The following TBC1D10B variants were observed in gnomAD, a reference collection of about 807,000 sequenced individuals.
The protein encoded by TBC1D10B is Rab27A-GAPbeta.
A neutral mutation model predicts 78.4 loss-of-function variants in TBC1D10B; 25 were observed. That is an observed-to-expected ratio of 0.32 (90% CI 0.23 to 0.45). The LOEUF is 0.45. Ranked by LOEUF, TBC1D10B falls within the 20% of genes least tolerant of loss-of-function variation. TBC1D10B has a pLI of 1.00. For missense variants in TBC1D10B, 996 were observed against 1,104.8 expected, an observed-to-expected ratio of 0.90 and a Z score of 1.40; for synonymous variants, 517 against 478.0, an observed-to-expected ratio of 1.08 and a Z score of -1.06.
intron 4 of TBC1D10B, among the ~76,000 whole-genome samples, chr16:30,362,736 A>C (rs542547502): frequency 6.6e-6 from 1 of 152,264 alleles, no homozygotes; most frequent in African/African-American, 2.4e-5. Flanking sequence ...TCCAATAAGC[A>C]TTTTAAACTT....
In TBC1D10B at chr16:30,357,663, C is replaced by A; in HGVS notation, c.*281G>T. On this transcript the variant is annotated 3_prime_UTR_variant, in exon 9 of 9. Transcript: ENST00000409939. The stretch of plus-strand genomic sequence containing the variant: ...AGTCACCCCTGGGATGACAACGGGC[C>A]ATTCAGGACAGCACCTAGGAGGGGA... The A allele has an allele frequency of 1.9e-6, 1 of 524,808 alleles. No homozygotes were observed. Among genetic ancestry groups the A allele is most frequent in the Non-Finnish European group, 3.4e-6 (1 of 294,120 alleles). 32.5% of individuals were successfully genotyped at this position (524,808 alleles called of 1,614,324 possible).
At chr16:30,361,299 CAAAA>C (rs990968404) in intron 4 of TBC1D10B, among the ~76,000 whole-genome samples, 1 of 151,664 alleles carries the variant, frequency 6.6e-6, no homozygotes, top group East Asian at 1.9e-4. Context: ...TCAAAACAAA[CAAAA>C]AAAAGTCTCT....
chr16:30,358,609 G>C (rs1028873000), intron 8 of TBC1D10B, 36 bp from the exon 9 acceptor site: 2 of 1,589,378 alleles, frequency 1.3e-6, no homozygotes, highest in Non-Finnish European at 1.7e-6. Context: ...GAATGGAGCT[G>C]AGGGTGGGAG....
rs1481821990 is a variant in TBC1D10B, at chr16:30,358,496, C to T, written c.1875G>A (p.Arg625=). Residue 625 remains arginine, a synonymous_variant, in exon 9 of 9, where the codon CGG becomes CGA. Transcript: ENST00000409939. ...GTGAGGGCCGATACTGCAGCTCCCC[C>T]CGCGTTTCCCGCCACTTCTTGAGCT... ...AAQLKKWRET[R]GELQYRPSRR... is the part of the protein sequence containing the mutation. 6.2e-7 allele frequency: 1 copy of T among 1,604,534 alleles called. No homozygotes were observed. Among genetic ancestry groups the T allele is most frequent in the African/African-American group, 1.3e-5 (1 of 74,724 alleles).
chr16:30,363,416 TG>T, intron 4 of TBC1D10B, among the ~76,000 whole-genome samples: 1 of 152,140 alleles, frequency 6.6e-6, no homozygotes, highest in Admixed American at 6.6e-5. Context: ...TCAAGTCATT[TG>T]TAACCCCATC....
At chr16:30,364,004 C>G (rs1567413380) in intron 4 of TBC1D10B, among the ~76,000 whole-genome samples, 2 of 151,586 alleles carry the variant, frequency 1.3e-5, no homozygotes, top group African/African-American at 4.8e-5. Context: ...GTAATGCCAG[C>G]TACTTGGGAG....
Position 30,359,168 on chromosome 16 carries a change from G to C in TBC1D10B, c.1642+4C>G. Reference sequence around the variant, plus strand: ...CCTCATGGCCTGGAGGGCCACAGAAGTACCTTCACAGAAAAACATGTCCCA... The same window carrying C: ...CCTCATGGCCTGGAGGGCCACAGAACTACCTTCACAGAAAAACATGTCCCA... On this transcript the variant is annotated splice_donor_region_variant and intron_variant, in intron 7 of 8. Transcript: ENST00000409939. The C allele has an allele frequency of 6.2e-7, 1 of 1,607,838 alleles. No homozygotes were observed. The highest frequency in any genetic ancestry group is 2.2e-5 in the East Asian group (1 of 44,556).
chr16:30,361,771 G>C (rs2049600054), intron 4 of TBC1D10B, among the ~76,000 whole-genome samples: 1 of 151,810 alleles, frequency 6.6e-6, no homozygotes, highest in Non-Finnish European at 1.5e-5. Context: ...GAGTGCAATG[G>C]CGTGATCTCG....
rs761947946 is a variant in TBC1D10B at position 30,365,083 on chromosome 16, C to T, written c.1164+22G>A. 1 of 1,613,442 alleles carries T rather than the reference C, an allele frequency of 6.2e-7. No homozygotes were observed. The highest frequency in any genetic ancestry group is 1.3e-5 in the African/African-American group (1 of 74,918). On this transcript the variant is annotated intron_variant, in intron 3 of 8. Coordinates refer to ENST00000409939, the MANE Select transcript of TBC1D10B (RefSeq NM_015527.4). This position sits in a 1 kb window ranked among gnomAD's most constrained non-coding sequence, Gnocchi z 5.0. ...TTGCACAGACAGGGCCACATGTCCC[C>T]ACACCTTGGAGCTGCACGCACCTCA...
intron 4 of TBC1D10B, among the ~76,000 whole-genome samples, chr16:30,362,182 A>G (rs1201665730): frequency 1.3e-5 from 2 of 150,792 alleles, no homozygotes; most frequent in Non-Finnish European, 3.0e-5. Context: ...ACGGGGTTTC[A>G]CCATGTTGGC....
intron 6 of TBC1D10B, 46 bp downstream of exon 6, chr16:30,359,492 G>C: frequency 6.4e-7 from 1 of 1,552,362 alleles, no homozygotes; most frequent in African/African-American, 1.4e-5. Flanking sequence ...CTGCAGCCTG[G>C]AGGAAACGCC....
intron 4 of TBC1D10B, among the ~76,000 whole-genome samples, chr16:30,361,696 C>G (rs1321223222): frequency 1.3e-5 from 2 of 151,742 alleles, no homozygotes; most frequent in African/African-American, 4.8e-5. Flanking sequence ...TGAGCCACCG[C>G]GCCCAGCCAC....
intron 5 of TBC1D10B, 24 bp from the exon 6 acceptor site, chr16:30,359,627 G>A (rs1478795291): frequency 6.4e-7 from 1 of 1,557,384 alleles, no homozygotes; most frequent in Non-Finnish European, 8.7e-7. Flanking sequence ...GAACAAGGAG[G>A]AGGGGTGGGG....
chr16:30,362,849 C>T (rs1000808286), intron 4 of TBC1D10B, among the ~76,000 whole-genome samples: 1 of 152,068 alleles, frequency 6.6e-6, no homozygotes, highest in African/African-American at 2.4e-5. Context: ...CCAGCCTGGC[C>T]AACATGGCAA....
rs551492204 is a variant in TBC1D10B, at chr16:30,358,132, G to C, written c.2239C>G (p.Gln747Glu). The C allele has an allele frequency of 6.4e-7, 1 of 1,551,368 alleles. No homozygotes were observed. The highest frequency in any genetic ancestry group is 8.7e-7 in the Non-Finnish European group (1 of 1,146,664). Reference protein sequence around the residue: ...KQEKEREKERQKQEKEREKQE... With the variant: ...KQEKEREKEREKQEKEREKQE... Reference sequence around the variant, plus strand: ...TTCTCTCGCTCTTTCTCCTGCTTCTGCCGCTCCTTCTCCCGCTCCTTCTCC... The same window carrying C: ...TTCTCTCGCTCTTTCTCCTGCTTCTCCCGCTCCTTCTCCCGCTCCTTCTCC... Residue 747 changes from glutamine (Q) to glutamate (E), a missense_variant, in exon 9 of 9, where the codon CAG (glutamine) becomes GAG (glutamate). Transcript: ENST00000409939.
intron 7 of TBC1D10B, 66 bp downstream of exon 7, chr16:30,359,106 G>GACAGAACCC: frequency 6.6e-7 from 1 of 1,512,816 alleles, no homozygotes. Context: ...CCAGAAATAT[G>GACAGAACCC]ACAGAACCCC....
Position 30,370,230 on chromosome 16 carries a change from G to T in TBC1D10B, c.-47C>A. 1 of 1,029,538 alleles carries T rather than the reference G, an allele frequency of 9.7e-7. No individual in the cohort carries two copies. Among genetic ancestry groups the T allele is most frequent in the Middle Eastern group, 4.0e-4 (1 of 2,528 alleles). The allele number at this position is 1,029,538 out of a possible 1,614,324, so 63.8% of individuals were successfully genotyped here. A position where few individuals can be genotyped will look rare whatever the true frequency, so the allele number is the denominator to read the frequency against. On this transcript the variant is annotated 5_prime_UTR_variant, in exon 1 of 9. Coordinates refer to ENST00000409939, the MANE Select transcript of TBC1D10B (RefSeq NM_015527.4). ...TCCCCCCGCCGGGGAGGCCGCAGAAGGCGCCGCCCCTCGGGCCTCCCGGCG... is the reference window on the plus strand; with the variant it reads ...TCCCCCCGCCGGGGAGGCCGCAGAATGCGCCGCCCCTCGGGCCTCCCGGCG...
Position 30,365,974 on chromosome 16 carries a change from G to A in TBC1D10B, c.957-380C>T. 4.2e-6 allele frequency: 1 copy of A among 238,930 alleles called. No individual in the cohort carries two copies. The highest frequency in any genetic ancestry group is 8.5e-6 in the Non-Finnish European group (1 of 117,490). The allele number at this position is 238,930 out of a possible 1,614,324, so 14.8% of individuals were successfully genotyped here. A position where few individuals can be genotyped will look rare whatever the true frequency, so the allele number is the denominator to read the frequency against. On this transcript the variant is annotated intron_variant, in intron 1 of 8. Coordinates refer to ENST00000409939, the MANE Select transcript of TBC1D10B (RefSeq NM_015527.4). The surrounding 1 kb of genome is among the most constrained non-coding windows in gnomAD (Gnocchi z 5.0). ...GCCCAATTTCCTCATCTGTAAGGTG[G>A]AGAAAGTAACAATATCTACCCGAAG... is the stretch of plus-strand genomic sequence containing the variant.
chr16:30,361,224 CA>C (rs1243140313), intron 4 of TBC1D10B, among the ~76,000 whole-genome samples: 1 of 152,058 alleles, frequency 6.6e-6, no homozygotes, highest in African/African-American at 2.4e-5. Context: ...ATCTGGGAGG[CA>C]GAGGTTGCAG....
Sources: gnomAD v4.1 joint callset for allele counts (sites outside exome capture counted in the v4.1 genomes callset) on GRCh38, gnomAD v4.1.1 for gene constraint, Gnocchi (gnomAD v3.1) non-coding constraint, MANE v1.5 for transcripts, NCBI Gene and HGNC (gene_info 2026-07-23, HGNC 2026-07-21) for gene names.